Variants in CDC42BPB observed in about 807,000 individuals in gnomAD.
CDC42BPB encodes serine/threonine-protein kinase MRCK beta.
CDC42BPB carries 37 observed loss-of-function variants against 214.9 expected under a neutral mutation model. That is an observed-to-expected ratio of 0.17 (90% CI 0.13 to 0.23). The LOEUF is 0.23. Among genes scored for constraint, CDC42BPB ranks in the 10% least tolerant of loss-of-function variants. The probability of loss-of-function intolerance (pLI) is 1.00; values close to 1 mark genes in which losing one functional copy is unlikely to be tolerated. For synonymous variants in CDC42BPB, 931 were observed against 884.0 expected (o/e 1.05, Z -0.94); for missense variants, 1,694 against 2,227.0 (o/e 0.76, Z 4.82).
chr14:102,999,638 C>T lies in CDC42BPB; in HGVS notation c.523G>A (p.Asp175Asn). Residue 175 changes from aspartate (D) to asparagine (N), a missense_variant, in exon 5 of 37, where the codon GAT (aspartate) becomes AAT (asparagine). Physicochemically the swap from Asp to Asn is conservative, Grantham distance 23. This residue lies in a region of CDC42BPB where 225 missense variants were observed against 459.3 expected (regional missense o/e 0.49). Transcript: ENST00000361246. ...TCACCAATGTAGAACCTCGCCATAT[C>T]TTCCGGAAGCTTGTCTTCAAATTTG... ...LSKFEDKLPE[D>N]MARFYIGEMV... 1 of 1,614,214 alleles carries T rather than the reference C, an allele frequency of 6.2e-7. No homozygotes were observed. Among genetic ancestry groups the T allele is most frequent in the East Asian group, 2.2e-5 (1 of 44,890 alleles).
chr14:103,028,709 T>C (rs1887183626), intron 1 of CDC42BPB, among the ~76,000 whole-genome samples: 1 of 152,260 alleles, frequency 6.6e-6, no homozygotes, highest in Admixed American at 6.5e-5. Flanking sequence ...TCCTTCTATA[T>C]TCTGTGCCCA....
At chr14:102,963,379 G>A in intron 19 of CDC42BPB, 1 of 746,394 alleles carries the variant, frequency 1.3e-6, no homozygotes, top group Non-Finnish European at 1.6e-6. Flanking sequence ...GCTTAGGAAG[G>A]CGTGTCTCAT....
chr14:102,957,683 T>C (rs1247305013), intron 21 of CDC42BPB, among the ~76,000 whole-genome samples: 1 of 152,162 alleles, frequency 6.6e-6, no homozygotes, highest in African/African-American at 2.4e-5. Flanking sequence ...GCGTCCAGAG[T>C]GGCTGTGAGC....
intron 7 of CDC42BPB, chr14:102,981,263 C>T: frequency 1.1e-6 from 1 of 874,976 alleles, no homozygotes; most frequent in Non-Finnish European, 1.4e-6. Context: ...ACACATTTTA[C>T]CTATGGAAGT....
chr14:102,959,777 C>T, intron 20 of CDC42BPB, 67 bp from the exon 21 acceptor site: 1 of 1,451,412 alleles, frequency 6.9e-7, no homozygotes, highest in South Asian at 1.3e-5. Context: ...TTCAGACAGA[C>T]TCAGTGTCTT....
intron 1 of CDC42BPB, among the ~76,000 whole-genome samples, chr14:103,023,756 C>T (rs970505162): frequency 4.6e-5 from 7 of 152,108 alleles, no homozygotes; most frequent in African/African-American, 1.2e-4. Context: ...AAGTCAACTA[C>T]TGGTATTATA....
chr14:102,964,160 G>A (rs572250062), intron 19 of CDC42BPB, among the ~76,000 whole-genome samples: 4 of 152,362 alleles, frequency 2.6e-5, no homozygotes, highest in Admixed American at 2.6e-4. Flanking sequence ...GAGCGGCACG[G>A]AGGTGACTAA....
At chr14:102,961,240 C>T (rs1053546206) in intron 20 of CDC42BPB, among the ~76,000 whole-genome samples, 2 of 152,144 alleles carry the variant, frequency 1.3e-5, no homozygotes, top group Admixed American at 6.5e-5. Context: ...GAGGGAATCC[C>T]TCCAACAACT....
At chr14:102,950,025 G>C (rs1892412154) in intron 25 of CDC42BPB, 121 bp from the exon 26 acceptor site, 2 of 1,514,014 alleles carry the variant, frequency 1.3e-6, no homozygotes, top group Non-Finnish European at 8.8e-7. Context: ...TTTGGACAGA[G>C]GGATGTTTGC....
At chr14:103,014,551 C>T (rs1025346639) in intron 1 of CDC42BPB, among the ~76,000 whole-genome samples, 2 of 152,190 alleles carry the variant, frequency 1.3e-5, no homozygotes, top group Non-Finnish European at 2.9e-5. Flanking sequence ...TGCGATCTGA[C>T]ACTTCCTGGG....
intron 9 of CDC42BPB, 141 bp downstream of exon 9, chr14:102,977,984 AC>A (rs1192183366): frequency 1.3e-5 from 8 of 637,112 alleles, no homozygotes; most frequent in Non-Finnish European, 2.2e-5. Context: ...AAGACCAAAA[AC>A]CCATCTCCAT....
intron 5 of CDC42BPB, among the ~76,000 whole-genome samples, chr14:102,993,444 C>T (rs1894586796): frequency 6.6e-6 from 1 of 152,096 alleles, no homozygotes. Context: ...AACAGACTCT[C>T]CCACGTCCAC....
chr14:102,957,149 C>T (rs1023127455), intron 21 of CDC42BPB, among the ~76,000 whole-genome samples: 23 of 140,094 alleles, frequency 1.6e-4, no homozygotes, highest in Admixed American at 2.3e-4. Flanking sequence ...TGTGGTGAGC[C>T]GAAACTGCAC....
At chr14:102,933,994 G>T in intron 36 of CDC42BPB, 151 bp from the exon 37 acceptor site, 1 of 1,380,326 alleles carries the variant, frequency 7.2e-7, no homozygotes, top group South Asian at 1.8e-5. Flanking sequence ...CTACACCAGC[G>T]ATTCGTGGGG....
chr14:102,995,789 G>A (rs554857588), intron 5 of CDC42BPB, among the ~76,000 whole-genome samples: 2 of 152,308 alleles, frequency 1.3e-5, no homozygotes, highest in East Asian at 3.9e-4. Flanking sequence ...CGTAAAGTTG[G>A]CCACACCGTA....
intron 8 of CDC42BPB, among the ~76,000 whole-genome samples, chr14:102,979,466 C>G (rs931531600): frequency 6.6e-6 from 1 of 152,176 alleles, no homozygotes; most frequent in Non-Finnish European, 1.5e-5. Context: ...CCCACCTCAG[C>G]CTCCCAAAGT....
intron 1 of CDC42BPB, among the ~76,000 whole-genome samples, chr14:103,033,454 C>T (rs1887502887): frequency 6.6e-6 from 1 of 152,104 alleles, no homozygotes; most frequent in South Asian, 2.1e-4. Flanking sequence ...TATCTCCTGA[C>T]CTCATGATCC....
chr14:102,966,259 T>C (rs1893195801), intron 18 of CDC42BPB, 23 bp downstream of exon 18: 4 of 1,513,244 alleles, frequency 2.6e-6, no homozygotes, highest in Non-Finnish European at 2.8e-6. Context: ...GTAATAGAAA[T>C]GCAGGCATTA....
At chr14:102,946,367 A>C in intron 28 of CDC42BPB, 101 bp downstream of exon 28, 1 of 1,323,472 alleles carries the variant, frequency 7.6e-7, no homozygotes, top group African/African-American at 1.5e-5. Flanking sequence ...TACAAACCCA[A>C]ATGGACCTGT....
Sources: gnomAD v4.1 joint callset for allele counts (sites outside exome capture counted in the v4.1 genomes callset) on GRCh38, gnomAD v4.1.1 for gene constraint, gnomAD v4.1.1 regional missense constraint, MANE v1.5 for transcripts, NCBI Gene and HGNC (gene_info 2026-07-23, HGNC 2026-07-21) for gene names.